FBLN2: variants seen among roughly 807,000 people sequenced by gnomAD.
FBLN2 encodes fibulin 2, also known as fibulin-2.
FBLN2 carries 81 observed loss-of-function variants against 123.7 expected under a neutral mutation model. The ratio of observed to expected loss-of-function variants is 0.65; its 90% confidence interval spans 0.55 to 0.79. The LOEUF is 0.79. FBLN2 is among the 30% of genes least tolerant of loss of function. The pLI, the probability that FBLN2 is intolerant of heterozygous loss-of-function variation, is 0.00. For missense variants in FBLN2, 1,603 were observed against 1,681.3 expected (o/e 0.95, Z 0.81); for synonymous variants, 699 against 701.4 (o/e 1.00, Z 0.05).
intron 2 of FBLN2, among the ~76,000 whole-genome samples, chr3:13,601,017 G>A (rs892361939): frequency 5.3e-5 from 8 of 152,160 alleles, no homozygotes; most frequent in South Asian, 2.1e-4. Flanking sequence ...CCTGACTACC[G>A]TGCATTTTTG....
chr3:13,613,897 A>G (rs551238679), intron 4 of FBLN2, 87 bp from the exon 5 acceptor site: 14 of 1,379,522 alleles, frequency 1.0e-5, no homozygotes, highest in South Asian at 5.6e-5. Flanking sequence ...ATAATGGTGA[A>G]TTCATCTCCA....
intron 2 of FBLN2, among the ~76,000 whole-genome samples, chr3:13,579,301 C>T (rs1704246801): frequency 6.6e-6 from 1 of 152,204 alleles, no homozygotes; most frequent in African/African-American, 2.4e-5. Flanking sequence ...CCATTAGCCT[C>T]AAAGTGATGA....
rs529092545 is a variant in FBLN2, at chr3:13,634,219, T to C, written c.3215-2226T>C. Among the ~76,000 whole-genome samples the C allele has an allele frequency of 2.6e-5, 4 of 152,312 alleles. No homozygotes were observed. In the South Asian group the frequency reaches 8.3e-4, roughly 32 times the overall value. ...GTCCTTTTTGCTCTGTCACCCACTT[T>C]TGCACATCTGAGTTGCGGCTGACCC... On this transcript the variant is annotated intron_variant, in intron 16 of 17. Coordinates refer to ENST00000404922, the MANE Select transcript of FBLN2 (RefSeq NM_001004019.2).
At chr3:13,555,373 T>C (rs1250508808) in intron 1 of FBLN2, among the ~76,000 whole-genome samples, 2 of 152,130 alleles carry the variant, frequency 1.3e-5, no homozygotes, top group African/African-American at 2.4e-5. Context: ...GTGCTTAGCA[T>C]CTTAGCCACC....
At chr3:13,585,516 T>C (rs1704468645) in intron 2 of FBLN2, among the ~76,000 whole-genome samples, 1 of 152,136 alleles carries the variant, frequency 6.6e-6, no homozygotes, top group East Asian at 1.9e-4. Flanking sequence ...CCCATACGAT[T>C]ATGGTGAAGC....
At chr3:13,626,686 G>A in intron 10 of FBLN2, 107 bp downstream of exon 10, 1 of 1,178,778 alleles carries the variant, frequency 8.5e-7, no homozygotes, top group Non-Finnish European at 1.2e-6. Flanking sequence ...CTTAGGCCTG[G>A]CCACGCCCCT....
At chr3:13,605,763 T>G (rs576866322) in intron 2 of FBLN2, among the ~76,000 whole-genome samples, 24 of 152,256 alleles carry the variant, frequency 1.6e-4, no homozygotes, top group African/African-American at 5.8e-4. Flanking sequence ...CTTAACTGTA[T>G]AAGTGGTGCC....
rs1436756198 is a variant in FBLN2, at chr3:13,613,979, T to C, written c.1549-5T>C. On this transcript the variant is annotated splice_region_variant and splice_polypyrimidine_tract_variant and intron_variant, in intron 4 of 17. Coordinates refer to ENST00000404922, the MANE Select transcript of FBLN2 (RefSeq NM_001004019.2). ...TTGGGCAGTGATAACTGTCTCTCCC[T>C]GCAGCAATGCTGTGACTGCTGTGGC... The C allele has an allele frequency of 1.2e-6, 2 of 1,610,728 alleles. No homozygotes were observed. The highest frequency in any genetic ancestry group is 1.7e-6 in the Non-Finnish European group (2 of 1,179,346).
At chr3:13,583,372 C>G (rs545384613) in intron 2 of FBLN2, among the ~76,000 whole-genome samples, 117 of 152,274 alleles carry the variant, frequency 7.7e-4, no homozygotes, top group Non-Finnish European at 1.5e-3. Context: ...AGTGAATTGT[C>G]CATGGTTCCT....
chr3:13,601,073 C>T (rs904851237), intron 2 of FBLN2, among the ~76,000 whole-genome samples: 2 of 152,198 alleles, frequency 1.3e-5, no homozygotes, highest in South Asian at 4.1e-4. Flanking sequence ...CCCAGCTCAT[C>T]TGTGAAATAG....
At chr3:13,636,607 G>A (rs749420282) in intron 17 of FBLN2, 39 bp downstream of exon 17, 3 of 1,601,310 alleles carry the variant, frequency 1.9e-6, no homozygotes, top group Non-Finnish European at 2.6e-6. Context: ...CAGGGAGCCT[G>A]TCCTGGTCCT....
At chr3:13,595,472 C>T (rs1406666796) in intron 2 of FBLN2, among the ~76,000 whole-genome samples, 6 of 152,082 alleles carry the variant, frequency 3.9e-5, no homozygotes, top group Admixed American at 3.9e-4. Flanking sequence ...TTTTACAGTC[C>T]TCATAAAAAA....
chr3:13,605,599 C>G (rs1254262014), intron 2 of FBLN2, among the ~76,000 whole-genome samples: 10 of 152,182 alleles, frequency 6.6e-5, no homozygotes, highest in Non-Finnish European at 1.2e-4. Context: ...TCATCCTCCC[C>G]CCCAGTGATG....
At chr3:13,628,817 C>A (rs1461354973) in intron 11 of FBLN2, 88 bp from the exon 12 acceptor site, 3 of 1,494,346 alleles carry the variant, frequency 2.0e-6, no homozygotes, top group Non-Finnish European at 1.8e-6. Flanking sequence ...AGCCCAGGAC[C>A]GACCCCCTCC....
intron 1 of FBLN2, among the ~76,000 whole-genome samples, chr3:13,549,804 C>G (rs1703274645): frequency 6.6e-6 from 1 of 152,038 alleles, no homozygotes; most frequent in Admixed American, 6.5e-5. Context: ...CCATGCTCAC[C>G]CCGCCAGCTC....
intron 1 of FBLN2, among the ~76,000 whole-genome samples, chr3:13,561,427 C>T (rs1703596359): frequency 6.6e-6 from 1 of 152,134 alleles, no homozygotes; most frequent in Admixed American, 6.5e-5. Flanking sequence ...GTCCCCACCC[C>T]CCCGCCACCT....
intron 4 of FBLN2, among the ~76,000 whole-genome samples, chr3:13,612,320 TTTCTTTCTTTC>T (rs1705425730): frequency 6.8e-6 from 1 of 147,014 alleles, no homozygotes; most frequent in South Asian, 2.2e-4. Flanking sequence ...TCTTTCTTTC[TTTCTTTCTTTC>T]TTTCTTTCTT....
intron 8 of FBLN2, 115 bp from the exon 9 acceptor site, chr3:13,621,660 G>A: frequency 8.9e-7 from 1 of 1,118,694 alleles, no homozygotes; most frequent in Non-Finnish European, 1.3e-6. Flanking sequence ...AGGCGGGGAG[G>A]CCCCAGACAG....
At position 13,586,666 on chromosome 3, in the gene FBLN2, T is replaced by C. The variant is rs1704514736; in HGVS notation, c.1306+15005T>C. Among the ~76,000 whole-genome samples, 5 of 102,094 alleles carry C rather than the reference T, an allele frequency of 4.9e-5. No individual in the cohort carries two copies. In the South Asian group the frequency reaches 1.6e-3, roughly 34 times the overall value. 67.0% of individuals were successfully genotyped at this position (102,094 alleles called of 152,430 possible). A position where few individuals can be genotyped will look rare whatever the true frequency, so the allele number is the denominator to read the frequency against. ...GCGCATGGTGCCATGCCCAGCTAAT[T>C]TTTTTTTTTTTTTTTTGTATTTTAG... On this transcript the variant is annotated intron_variant, in intron 2 of 17. Coordinates refer to ENST00000404922, the MANE Select transcript of FBLN2 (RefSeq NM_001004019.2).
Sources: gnomAD v4.1 joint callset for allele counts (sites outside exome capture counted in the v4.1 genomes callset) on GRCh38, gnomAD v4.1.1 for gene constraint, MANE v1.5 for transcripts, NCBI Gene and HGNC (gene_info 2026-07-23, HGNC 2026-07-21) for gene names.